The following HSD17B12 variants were observed in gnomAD, a reference collection of about 807,000 sequenced individuals.
The protein encoded by HSD17B12 is hydroxysteroid 17-beta dehydrogenase 12.
Under a neutral mutation model 39.3 loss-of-function variants are expected in HSD17B12, and 32 were observed. The observed-to-expected ratio is 0.81, with a 90% CI of 0.61 to 1.09. HSD17B12 has a LOEUF of 1.09. HSD17B12 is among the 50% of genes least tolerant of loss of function. The probability of loss-of-function intolerance (pLI) is 0.00; values close to 1 mark genes in which losing one functional copy is unlikely to be tolerated. For missense variants in HSD17B12, 342 were observed against 382.9 expected (o/e 0.89, Z 0.89); for synonymous variants, 150 against 146.7 (o/e 1.02, Z -0.16).
intron 10 of HSD17B12, 77 bp downstream of exon 10, chr11:43,854,941 G>A: frequency 7.0e-7 from 1 of 1,432,882 alleles, no homozygotes. Context: ...AGGATAGTAT[G>A]TAATAGATTA....
chr11:43,750,459 G>A (rs1033874522), intron 1 of HSD17B12, among the ~76,000 whole-genome samples: 2 of 151,744 alleles, frequency 1.3e-5, no homozygotes, highest in African/African-American at 4.8e-5. Flanking sequence ...TCCATTGTTT[G>A]TCTATATCTC....
chr11:43,635,057 A>G, the HSD17B12 span, among the ~76,000 whole-genome samples: 3 of 152,320 alleles, frequency 2.0e-5, no homozygotes, highest in South Asian at 6.2e-4. Context: ...ATTTCCTTTA[A>G]AGTTATCTCA....
the HSD17B12 span, among the ~76,000 whole-genome samples, chr11:43,580,825 G>A: frequency 6.6e-6 from 1 of 152,078 alleles, no homozygotes; most frequent in Admixed American, 6.5e-5. Context: ...AAAAAAAAGG[G>A]GGAAATGTGA....
At chr11:43,655,754 C>A in the HSD17B12 span, among the ~76,000 whole-genome samples, 1 of 152,202 alleles carries the variant, frequency 6.6e-6, no homozygotes, top group Non-Finnish European at 1.5e-5. Context: ...AGGGATGAAG[C>A]CCACTTGATC....
intron 6 of HSD17B12, among the ~76,000 whole-genome samples, chr11:43,822,620 A>C (rs1208850266): frequency 6.6e-6 from 1 of 152,082 alleles, no homozygotes; most frequent in Non-Finnish European, 1.5e-5. Flanking sequence ...GCTGAGAATG[A>C]TGGTTTCCAC....
At chr11:43,835,231 A>G (rs980416131) in intron 7 of HSD17B12, among the ~76,000 whole-genome samples, 1 of 152,108 alleles carries the variant, frequency 6.6e-6, no homozygotes, top group African/African-American at 2.4e-5. Flanking sequence ...TCTGCTTGAT[A>G]TAACAGAGTT....
the HSD17B12 span, among the ~76,000 whole-genome samples, chr11:43,675,146 C>T: frequency 3.3e-5 from 5 of 152,166 alleles, no homozygotes; most frequent in Non-Finnish European, 7.3e-5. Flanking sequence ...AACTTACATT[C>T]ATTCTATTAG....
At chr11:43,767,344 A>G (rs1302085509) in intron 3 of HSD17B12, among the ~76,000 whole-genome samples, 2 of 152,230 alleles carry the variant, frequency 1.3e-5, no homozygotes, top group African/African-American at 4.8e-5. Context: ...AATTTGAGGT[A>G]CAACCTTCAG....
chr11:43,565,338 A>G, the HSD17B12 span, among the ~76,000 whole-genome samples: 1 of 152,172 alleles, frequency 6.6e-6, no homozygotes, highest in African/African-American at 2.4e-5. Context: ...GAGGATGAAT[A>G]GGAGCAGCCA....
intron 9 of HSD17B12, among the ~76,000 whole-genome samples, chr11:43,841,844 C>T (rs1044199692): frequency 6.6e-6 from 1 of 152,052 alleles, no homozygotes; most frequent in African/African-American, 2.4e-5. Context: ...TATCCTGAAG[C>T]CACAAATGAT....
At chr11:43,837,541 T>C (rs1951383137) in intron 7 of HSD17B12, among the ~76,000 whole-genome samples, 1 of 152,180 alleles carries the variant, frequency 6.6e-6, no homozygotes, top group Non-Finnish European at 1.5e-5. Context: ...AATTTTCACT[T>C]TTTTGTAGAA....
intron 1 of HSD17B12, among the ~76,000 whole-genome samples, chr11:43,691,172 G>A (rs963056601): frequency 6.6e-6 from 1 of 152,176 alleles, no homozygotes; most frequent in African/African-American, 2.4e-5. Flanking sequence ...GGCAAATTCT[G>A]ATGCCTCAGG....
chr11:43,673,492 C>CTTTTCTTTT, the HSD17B12 span: 848 of 83,912 alleles, frequency 0.01, 46 homozygotes, highest in East Asian at 0.015. Context: ...CTTTTCTTTT[C>CTTTTCTTTT]TTTTTTTTTT....
chr11:43,617,960 C>T, the HSD17B12 span, among the ~76,000 whole-genome samples: 3 of 152,256 alleles, frequency 2.0e-5, no homozygotes, highest in East Asian at 1.9e-4. Flanking sequence ...AAGGAAACTG[C>T]ATTAGACATT....
intron 3 of HSD17B12, among the ~76,000 whole-genome samples, chr11:43,780,019 G>C (rs1291864511): frequency 6.6e-6 from 1 of 152,154 alleles, no homozygotes; most frequent in Non-Finnish European, 1.5e-5. Flanking sequence ...ATTTGAGATA[G>C]TCTCTGAGAT....
chr11:43,623,168 T>C, the HSD17B12 span, among the ~76,000 whole-genome samples: 1 of 152,136 alleles, frequency 6.6e-6, no homozygotes. Flanking sequence ...GACTGAAGCT[T>C]TGTTTTCTAG....
At chr11:43,817,028 CTA>C (rs1315479011) in intron 6 of HSD17B12, among the ~76,000 whole-genome samples, 1 of 20,132 alleles carries the variant, frequency 5.0e-5, no homozygotes, top group African/African-American at 1.4e-4. Flanking sequence ...ATATCTATAT[CTA>C]TATCTATATC....
rs545268064 is a variant in HSD17B12, at chr11:43,732,328, CT to C, written c.161-18580del. On this transcript the variant is annotated intron_variant, in intron 1 of 10. Transcript: ENST00000278353. ...ATAAATTACCCAGTCTTGGGTATGT[CT>C]TTATCAGCAGCGTGAGAGTGGACTA... Among the ~76,000 whole-genome samples the C allele has an allele frequency of 2.2e-3, 334 of 152,242 alleles. 1 individual carries two copies. The highest frequency in any genetic ancestry group is 7.7e-3 in the African/African-American group (319 of 41,548).
intron 1 of HSD17B12, among the ~76,000 whole-genome samples, chr11:43,714,950 CT>C (rs1950107130): frequency 6.6e-6 from 1 of 152,082 alleles, no homozygotes; most frequent in South Asian, 2.1e-4. Context: ...TATAAGAATG[CT>C]TGTGATTTTT....
Sources: allele counts gnomAD v4.1 joint callset (sites outside exome capture counted in the v4.1 genomes callset), GRCh38; gene constraint gnomAD v4.1.1; transcripts MANE v1.5; gene names NCBI Gene and HGNC (gene_info 2026-07-23, HGNC 2026-07-21).